KCNB2: variants seen among roughly 807,000 people sequenced by gnomAD.
The protein encoded by KCNB2 is delayed rectifier potassium channel protein.
A neutral mutation model predicts 61.5 loss-of-function variants in KCNB2; 15 were observed. That is an observed-to-expected ratio of 0.24 (90% CI 0.16 to 0.38). The LOEUF is 0.38. Ranked by LOEUF, KCNB2 falls within the 10% of genes least tolerant of loss-of-function variation. The probability of loss-of-function intolerance (pLI) is 1.00; values close to 1 mark genes in which losing one functional copy is unlikely to be tolerated. For synonymous variants in KCNB2, 457 were observed against 446.0 expected, an observed-to-expected ratio of 1.02 and a Z score of -0.31; for missense variants, 828 against 1,125.2, an observed-to-expected ratio of 0.74 and a Z score of 3.78.
intron 2 of KCNB2, among the ~76,000 whole-genome samples, chr8:72,932,845 A>T (rs1806816792): frequency 6.6e-6 from 1 of 151,232 alleles, no homozygotes; most frequent in African/African-American, 2.5e-5. Context: ...TTATTGTGTT[A>T]AAAAAAACTC....
chr8:72,739,016 T>C (rs1025965880), intron 2 of KCNB2, among the ~76,000 whole-genome samples: 1 of 152,204 alleles, frequency 6.6e-6, no homozygotes, highest in Non-Finnish European at 1.5e-5. Context: ...TTTCTTTCTC[T>C]TTGAATTTAC....
chr8:72,792,971 C>T (rs888020109), intron 2 of KCNB2, among the ~76,000 whole-genome samples: 8 of 152,138 alleles, frequency 5.3e-5, no homozygotes, highest in African/African-American at 1.9e-4. Context: ...CAATAACACC[C>T]TTTCCCTCTC....
At chr8:72,673,966 C>T (rs552519635) in intron 2 of KCNB2, among the ~76,000 whole-genome samples, 1 of 151,960 alleles carries the variant, frequency 6.6e-6, no homozygotes, top group Admixed American at 6.6e-5. Flanking sequence ...TATATTTTAC[C>T]GTAATTTAAA....
chr8:72,657,591 A>G (rs1382384031), intron 2 of KCNB2, among the ~76,000 whole-genome samples: 1 of 152,194 alleles, frequency 6.6e-6, no homozygotes, highest in Non-Finnish European at 1.5e-5. Flanking sequence ...AGGTACATTT[A>G]TAAAACAGTC....
intron 2 of KCNB2, among the ~76,000 whole-genome samples, chr8:72,719,863 A>G (rs528855562): frequency 7.7e-4 from 117 of 152,356 alleles, no homozygotes; most frequent in Non-Finnish European, 3.5e-4. Context: ...CCTAGGAAAA[A>G]TGAATTTCAT....
chr8:72,567,667 A>T lies in KCNB2; in HGVS notation c.-68A>T. The T allele has an allele frequency of 9.5e-7, 1 of 1,049,746 alleles. No homozygotes were observed. Among genetic ancestry groups the T allele is most frequent in the South Asian group, 1.7e-5 (1 of 58,138 alleles). 65.0% of individuals were successfully genotyped at this position (1,049,746 alleles called of 1,614,324 possible). On this transcript the variant is annotated 5_prime_UTR_variant, in exon 2 of 3. Coordinates refer to ENST00000523207, the MANE Select transcript of KCNB2 (RefSeq NM_004770.3). ...CTTTGTCAGTGGAAATGCCTGCCCC[A>T]GAGGGATATTGCTTCAGTTGACCTC... is the stretch of plus-strand genomic sequence containing the variant.
At chr8:72,714,688 A>AC (rs1281886010) in intron 2 of KCNB2, among the ~76,000 whole-genome samples, 1 of 152,208 alleles carries the variant, frequency 6.6e-6, no homozygotes, top group Admixed American at 6.5e-5. Context: ...AACAACCGGT[A>AC]CCAGCCACTG....
At chr8:72,901,047 A>G (rs1806082504) in intron 2 of KCNB2, among the ~76,000 whole-genome samples, 1 of 152,178 alleles carries the variant, frequency 6.6e-6, no homozygotes, top group South Asian at 2.1e-4. Flanking sequence ...GGTTCACTGC[A>G]GCACTATTCA....
chr8:72,666,267 C>T (rs541277766), intron 2 of KCNB2, among the ~76,000 whole-genome samples: 48 of 152,272 alleles, frequency 3.2e-4, no homozygotes, highest in African/African-American at 1.2e-3. Flanking sequence ...CACCTGATAC[C>T]ATCTGCCTAC....
chr8:72,770,916 T>G (rs923862462), intron 2 of KCNB2, among the ~76,000 whole-genome samples: 2 of 152,252 alleles, frequency 1.3e-5, no homozygotes, highest in South Asian at 4.1e-4. Flanking sequence ...CAACATACAT[T>G]AACTTCTGGG....
chr8:72,564,833 G>A (rs1265945642), intron 1 of KCNB2, among the ~76,000 whole-genome samples: 1 of 152,196 alleles, frequency 6.6e-6, no homozygotes, highest in African/African-American at 2.4e-5. Context: ...AAACTTAAAA[G>A]CTAGAATTTA....
intron 2 of KCNB2, among the ~76,000 whole-genome samples, chr8:72,852,698 T>C (rs7812838): frequency 0.85 from 129,798 of 152,182 alleles, 56,320 homozygotes; most frequent in Middle Eastern, 0.97. Flanking sequence ...CTTATTTCTC[T>C]ATGTAAAGGT....
intron 2 of KCNB2, among the ~76,000 whole-genome samples, chr8:72,840,227 A>G (rs1040963828): frequency 6.6e-6 from 1 of 152,170 alleles, no homozygotes; most frequent in Admixed American, 6.5e-5. Flanking sequence ...ATGTCCCTGC[A>G]AAGGACATGA....
intron 2 of KCNB2, among the ~76,000 whole-genome samples, chr8:72,858,291 A>G (rs940433542): frequency 2.0e-5 from 3 of 152,180 alleles, no homozygotes; most frequent in African/African-American, 4.8e-5. Context: ...ACTAAATTAA[A>G]TTGCTTTGGT....
At chr8:72,638,265 T>C (rs1805998620) in intron 2 of KCNB2, among the ~76,000 whole-genome samples, 1 of 152,120 alleles carries the variant, frequency 6.6e-6, no homozygotes, top group Non-Finnish European at 1.5e-5. Context: ...TTTATTTTTA[T>C]CTTTCACATT....
intron 2 of KCNB2, among the ~76,000 whole-genome samples, chr8:72,851,840 A>AAAAAAAAAAAAAAAAAAAAAAAAAC (rs1554538995): frequency 7.4e-6 from 1 of 134,462 alleles, no homozygotes. Flanking sequence ...AAAAAAAAAA[A>AAAAAAAAAAAAAAAAAAAAAAAAAC]AAAAAAAACA....
At chr8:72,694,868 GAATA>G (rs1340890891) in intron 2 of KCNB2, among the ~76,000 whole-genome samples, 1 of 151,624 alleles carries the variant, frequency 6.6e-6, no homozygotes, top group Non-Finnish European at 1.5e-5. Context: ...ATAGTTAATA[GAATA>G]AATAAATACC....
At chr8:72,558,935 G>C (rs1404368451) in intron 1 of KCNB2, among the ~76,000 whole-genome samples, 1 of 151,972 alleles carries the variant, frequency 6.6e-6, no homozygotes, top group Non-Finnish European at 1.5e-5. Flanking sequence ...GGAAAGAAAA[G>C]AAGTACAAAT....
At chr8:72,698,059 G>A (rs1238143661) in intron 2 of KCNB2, among the ~76,000 whole-genome samples, 1 of 152,106 alleles carries the variant, frequency 6.6e-6, no homozygotes, top group Admixed American at 6.6e-5. Context: ...AAAGGAAGAA[G>A]TCAAACTACC....
Sources: gnomAD v4.1 joint callset for allele counts (sites outside exome capture counted in the v4.1 genomes callset) on GRCh38, gnomAD v4.1.1 for gene constraint, MANE v1.5 for transcripts, NCBI Gene and HGNC (gene_info 2026-07-23, HGNC 2026-07-21) for gene names.